FGF1: variants seen among roughly 807,000 people sequenced by gnomAD.
The protein encoded by FGF1 is beta-endothelial cell growth factor.
In FGF1, 9 loss-of-function variants were observed where a neutral mutation model predicts 13.4. The observed-to-expected ratio is 0.67, with a 90% CI of 0.40 to 1.17. The LOEUF (loss-of-function observed/expected upper bound fraction) is 1.17. FGF1 is among the 50% of genes most tolerant of loss of function. FGF1 has a pLI of 0.01. For synonymous variants in FGF1, 93 were observed against 79.0 expected (o/e 1.18, Z -0.94); for missense variants, 156 against 192.7 (o/e 0.81, Z 1.13).
At chr5:142,674,306 C>T (rs1265210195) in intron 1 of FGF1, among the ~76,000 whole-genome samples, 3 of 152,194 alleles carry the variant, frequency 2.0e-5, no homozygotes, top group African/African-American at 7.2e-5. Flanking sequence ...ATGTCAGTGG[C>T]TCAAGAGCAT....
At chr5:142,674,711 C>T (rs1393527167) in intron 1 of FGF1, among the ~76,000 whole-genome samples, 1 of 152,188 alleles carries the variant, frequency 6.6e-6, no homozygotes, top group Admixed American at 6.5e-5. Context: ...AGAAGCCTCT[C>T]TCTGGATCTG....
At position 142,600,683 on chromosome 5, in the gene FGF1, A is replaced by G; in HGVS notation, c.273+19T>C. On this transcript the variant is annotated intron_variant, in intron 3 of 3. Coordinates refer to ENST00000337706, the MANE Select transcript of FGF1 (RefSeq NM_000800.5). ...TCAAACCTTGGCCACGTCTGGAAGC[A>G]TGTCAGCTTCATACTTACTGAGCCG... 1 of 1,554,732 alleles carries G rather than the reference A, an allele frequency of 6.4e-7. No homozygotes were observed. The highest frequency in any genetic ancestry group is 8.9e-7 in the Non-Finnish European group (1 of 1,125,728).
chr5:142,670,521 C>T (rs1475063858), intron 1 of FGF1, among the ~76,000 whole-genome samples: 1 of 152,194 alleles, frequency 6.6e-6, no homozygotes, highest in Non-Finnish European at 1.5e-5. Context: ...ATTCTTTCTA[C>T]AATTGAGTTG....
chr5:142,656,828 T>C (rs1439701399), intron 1 of FGF1, among the ~76,000 whole-genome samples: 1 of 152,066 alleles, frequency 6.6e-6, no homozygotes, highest in Non-Finnish European at 1.5e-5. Flanking sequence ...GATAGAAAAC[T>C]GAAAAAATGA....
intron 3 of FGF1, among the ~76,000 whole-genome samples, chr5:142,596,742 CT>C (rs1755364782): frequency 1.3e-5 from 2 of 148,700 alleles, no homozygotes; most frequent in Non-Finnish European, 2.9e-5. Flanking sequence ...AAGAACCTGT[CT>C]CTAAAGAGTA....
chr5:142,620,090 T>C (rs1338376531), intron 1 of FGF1, among the ~76,000 whole-genome samples: 2 of 151,132 alleles, frequency 1.3e-5, no homozygotes, highest in Non-Finnish European at 2.9e-5. Flanking sequence ...AGCAAAAGAA[T>C]GAAAAATAGA....
rs116766116 is a variant in FGF1, at chr5:142,616,381, T to G, written c.-34-2220A>C. ...TTCGCAAATACCATATAAACTATAT[T>G]TAAAGTCAGATCATCCCAAATGTCC... On this transcript the variant is annotated intron_variant, in intron 1 of 3. Coordinates refer to ENST00000337706, the MANE Select transcript of FGF1 (RefSeq NM_000800.5). Among the ~76,000 whole-genome samples the G allele has an allele frequency of 1.7e-3, 254 of 152,332 alleles. 1 individual carries two copies. Among genetic ancestry groups the G allele is most frequent in the African/African-American group, 5.8e-3 (241 of 41,574 alleles).
At chr5:142,689,215 A>G (rs1267155438), upstream of FGF1, among the ~76,000 whole-genome samples, 1 of 152,168 alleles carries the variant, frequency 6.6e-6, no homozygotes, top group African/African-American at 2.4e-5. Flanking sequence ...TTTTCTTTCT[A>G]ATCTCATTTG....
chr5:142,644,650 ACTC>A (rs1765718409), intron 1 of FGF1, among the ~76,000 whole-genome samples: 1 of 151,766 alleles, frequency 6.6e-6, no homozygotes, highest in Non-Finnish European at 1.5e-5. Flanking sequence ...GGTTTCCAAA[ACTC>A]CCTGAGCATG....
intron 1 of FGF1, among the ~76,000 whole-genome samples, chr5:142,665,055 C>T (rs1300934758): frequency 6.6e-6 from 1 of 152,142 alleles, no homozygotes; most frequent in Non-Finnish European, 1.5e-5. Flanking sequence ...AACAGTATTA[C>T]ATTTTATAAA....
chr5:142,684,962 G>A (rs143022276), intron 1 of FGF1, among the ~76,000 whole-genome samples: 1 of 151,084 alleles, frequency 6.6e-6, no homozygotes, highest in African/African-American at 2.4e-5. Context: ...GGGGTGGTGG[G>A]TGGATGTAAC....
intron 1 of FGF1, among the ~76,000 whole-genome samples, chr5:142,638,456 C>A (rs746312404): frequency 1.3e-5 from 2 of 152,026 alleles, no homozygotes; most frequent in African/African-American, 4.8e-5. Flanking sequence ...AGCTTTTTAT[C>A]CCATGTCTAG....
rs1326798958 is a variant in FGF1, at chr5:142,681,560, T to C, written c.-35+4397A>G. Among the ~76,000 whole-genome samples the C allele has an allele frequency of 3.3e-5, 5 of 152,214 alleles. No individual in the cohort carries two copies. The South Asian group carries it at 6.2e-4, about 19-fold the overall frequency. ...TGGCCCAAGCTAAGGTCCTGCCATC[T>C]CTTAGCAGAATTTCCAAATCCTGGC... On this transcript the variant is annotated intron_variant, in intron 1 of 3. Coordinates refer to ENST00000337706, the MANE Select transcript of FGF1 (RefSeq NM_000800.5).
At chr5:142,688,299 A>G (rs1751593940), upstream of FGF1, among the ~76,000 whole-genome samples, 1 of 152,316 alleles carries the variant, frequency 6.6e-6, no homozygotes, top group South Asian at 2.1e-4. Flanking sequence ...TTCAATTTCT[A>G]CATTTATTTG....
intron 2 of FGF1, among the ~76,000 whole-genome samples, chr5:142,695,850 C>T (rs978661746): frequency 2.6e-5 from 4 of 152,140 alleles, no homozygotes; most frequent in Non-Finnish European, 2.9e-5. Context: ...AACTGCAATC[C>T]TGACAGTCAA....
At chr5:142,644,780 A>G (rs1765736620) in intron 1 of FGF1, among the ~76,000 whole-genome samples, 1 of 152,216 alleles carries the variant, frequency 6.6e-6, no homozygotes, top group Non-Finnish European at 1.5e-5. Context: ...TTAGCTTGTG[A>G]TAGTCTCTCC....
chr5:142,648,000 A>T (rs1382980916), intron 1 of FGF1, among the ~76,000 whole-genome samples: 1 of 152,108 alleles, frequency 6.6e-6, no homozygotes, highest in East Asian at 1.9e-4. Flanking sequence ...CAGGAGAATC[A>T]CTTGAACCCA....
At chr5:142,625,027 C>T (rs1247057261) in intron 1 of FGF1, among the ~76,000 whole-genome samples, 1 of 152,162 alleles carries the variant, frequency 6.6e-6, no homozygotes, top group Non-Finnish European at 1.5e-5. Context: ...ACCATACTAC[C>T]TCGCTAAAAT....
At chr5:142,693,136 T>A (rs1013098041) in intron 2 of FGF1, among the ~76,000 whole-genome samples, 2 of 152,132 alleles carry the variant, frequency 1.3e-5, no homozygotes, top group African/African-American at 4.8e-5. Flanking sequence ...TCTATCTTCT[T>A]CTCAGTGGAA....
Sources: allele counts gnomAD v4.1 joint callset (sites outside exome capture counted in the v4.1 genomes callset), GRCh38; gene constraint gnomAD v4.1.1; transcripts MANE v1.5; gene names NCBI Gene and HGNC (gene_info 2026-07-23, HGNC 2026-07-21).